Variants in LYPLAL1 observed in about 807,000 individuals in gnomAD.
LYPLAL1 encodes lysophospholipase-like protein 1.
Under a neutral mutation model 19.7 loss-of-function variants are expected in LYPLAL1, and 23 were observed. The observed-to-expected ratio is 1.17, with a 90% CI of 0.84 to 1.65. The LOEUF (loss-of-function observed/expected upper bound fraction) is 1.65, where lower values mean the gene tolerates loss of function less well. LYPLAL1 is among the 40% of genes most tolerant of loss of function. The pLI, the probability that LYPLAL1 is intolerant of heterozygous loss-of-function variation, is 0.00. For missense variants in LYPLAL1, 355 were observed against 279.4 expected, an observed-to-expected ratio of 1.27 and a Z score of -1.93; for synonymous variants, 119 against 96.3, an observed-to-expected ratio of 1.24 and a Z score of -1.38.
chr1:219,351,873 T>A, the LYPLAL1 span, among the ~76,000 whole-genome samples: 1 of 152,166 alleles, frequency 6.6e-6, no homozygotes, highest in Admixed American at 6.5e-5. Context: ...GCTAAAATAT[T>A]TATAAACTGC....
chr1:219,201,486 C>T (rs906587790), intron 3 of LYPLAL1, among the ~76,000 whole-genome samples: 10 of 151,608 alleles, frequency 6.6e-5, no homozygotes, highest in African/African-American at 2.4e-4. Context: ...TTTGTTAAGC[C>T]TCTTTTGGGT....
chr1:219,445,009 C>A, the LYPLAL1 span, among the ~76,000 whole-genome samples: 1 of 149,948 alleles, frequency 6.7e-6, no homozygotes, highest in Non-Finnish European at 1.5e-5. Context: ...GCTTCTTGTA[C>A]AAATCACAAT....
the LYPLAL1 span, among the ~76,000 whole-genome samples, chr1:219,288,519 G>A: frequency 2.6e-4 from 40 of 152,064 alleles, no homozygotes; most frequent in Admixed American, 6.6e-5. Flanking sequence ...AAATTTTCAC[G>A]GAAGCACAGA....
the LYPLAL1 span, among the ~76,000 whole-genome samples, chr1:219,421,050 A>C: frequency 6.6e-6 from 1 of 152,240 alleles, no homozygotes; most frequent in African/African-American, 2.4e-5. Flanking sequence ...TTTTAAATAA[A>C]AATTCAAGTG....
the LYPLAL1 span, among the ~76,000 whole-genome samples, chr1:219,409,318 C>T: frequency 6.6e-6 from 1 of 151,784 alleles, no homozygotes; most frequent in Non-Finnish European, 1.5e-5. Context: ...GTGTGGTGGC[C>T]CATGCCTGTA....
chr1:219,263,597 C>A, the LYPLAL1 span, among the ~76,000 whole-genome samples: 1 of 152,130 alleles, frequency 6.6e-6, no homozygotes, highest in African/African-American at 2.4e-5. Flanking sequence ...TTCTTTCACC[C>A]TGTGATCCCT....
chr1:219,311,373 C>A, the LYPLAL1 span, among the ~76,000 whole-genome samples: 2 of 152,140 alleles, frequency 1.3e-5, no homozygotes, highest in Non-Finnish European at 2.9e-5. Flanking sequence ...ATCTACTTTT[C>A]TGGAATGACA....
downstream of LYPLAL1, among the ~76,000 whole-genome samples, chr1:219,213,086 T>C (rs1659158668): frequency 6.6e-6 from 1 of 152,040 alleles, no homozygotes; most frequent in African/African-American, 2.4e-5. Flanking sequence ...AAGTATATGG[T>C]AGTAATATAT....
intron 3 of LYPLAL1, among the ~76,000 whole-genome samples, chr1:219,201,088 C>T (rs1236574817): frequency 5.9e-5 from 9 of 152,090 alleles, no homozygotes; most frequent in Non-Finnish European, 1.3e-4. Flanking sequence ...GAATTAGAAC[C>T]TTATTACATT....
intron 3 of LYPLAL1, among the ~76,000 whole-genome samples, chr1:219,203,959 A>T (rs1558240622): frequency 6.6e-6 from 1 of 152,068 alleles, no homozygotes; most frequent in African/African-American, 2.4e-5. Flanking sequence ...AGCTATGAAA[A>T]TTTTTTGTTT....
chr1:219,379,727 T>A, the LYPLAL1 span, among the ~76,000 whole-genome samples: 4 of 152,252 alleles, frequency 2.6e-5, no homozygotes, highest in Non-Finnish European at 4.4e-5. Context: ...TTCCATTTTA[T>A]TATTCATTTG....
At chr1:219,315,846 A>G in the LYPLAL1 span, among the ~76,000 whole-genome samples, 1 of 152,186 alleles carries the variant, frequency 6.6e-6, no homozygotes, top group African/African-American at 2.4e-5. Context: ...AAACTTAGGG[A>G]TGGGCAGTCC....
intron 2 of LYPLAL1, among the ~76,000 whole-genome samples, chr1:219,191,688 G>A (rs1473055936): frequency 1.3e-5 from 2 of 151,150 alleles, no homozygotes; most frequent in Non-Finnish European, 3.0e-5. Context: ...GTAGAGATGG[G>A]TAAAAAATGA....
At chr1:219,443,636 T>C in the LYPLAL1 span, among the ~76,000 whole-genome samples, 2 of 151,128 alleles carry the variant, frequency 1.3e-5, no homozygotes, top group African/African-American at 2.4e-5. Flanking sequence ...AGCTAACCGA[T>C]CTAAACAAGA....
At chr1:219,441,368 A>G in the LYPLAL1 span, among the ~76,000 whole-genome samples, 11 of 152,230 alleles carry the variant, frequency 7.2e-5, no homozygotes, top group Non-Finnish European at 1.6e-4. Flanking sequence ...AACATTTTAC[A>G]GATGAAATAA....
chr1:219,417,175 G>A, the LYPLAL1 span, among the ~76,000 whole-genome samples: 1 of 152,110 alleles, frequency 6.6e-6, no homozygotes, highest in African/African-American at 2.4e-5. Flanking sequence ...TACTCTTTGA[G>A]GGCAGTGAGT....
the LYPLAL1 span, among the ~76,000 whole-genome samples, chr1:219,401,323 G>A: frequency 3.0e-5 from 3 of 100,022 alleles, no homozygotes; most frequent in Non-Finnish European, 4.6e-5. Flanking sequence ...CCCATGCTAG[G>A]TAGTAGCCTA....
chr1:219,206,702 G>A (rs1042522299), intron 3 of LYPLAL1, among the ~76,000 whole-genome samples: 5 of 151,024 alleles, frequency 3.3e-5, no homozygotes, highest in African/African-American at 4.9e-5. Flanking sequence ...TTTTATGTGC[G>A]GGTAAATGTT....
the LYPLAL1 span, among the ~76,000 whole-genome samples, chr1:219,382,518 C>T: frequency 6.6e-6 from 1 of 152,118 alleles, no homozygotes; most frequent in African/African-American, 2.4e-5. Context: ...CACCACTGCG[C>T]CCGGCTAACC....
Sources: allele counts gnomAD v4.1 joint callset (sites outside exome capture counted in the v4.1 genomes callset), GRCh38; gene constraint gnomAD v4.1.1; transcripts MANE v1.5; gene names NCBI Gene and HGNC (gene_info 2026-07-23, HGNC 2026-07-21).